MX2: variants seen among roughly 807,000 people sequenced by gnomAD.
MX2 encodes interferon-induced GTP-binding protein Mx2.
In MX2, 51 loss-of-function variants were observed where a neutral mutation model predicts 74.0. That is an observed-to-expected ratio of 0.69 (90% CI 0.55 to 0.87). MX2 has a LOEUF of 0.87. Among genes scored for constraint, MX2 ranks in the 40% least tolerant of loss-of-function variants. The pLI is 0.00. For missense variants in MX2, 832 were observed against 908.7 expected, an observed-to-expected ratio of 0.92 and a Z score of 1.09; for synonymous variants, 369 against 339.3, an observed-to-expected ratio of 1.09 and a Z score of -0.96.
intron 5 of MX2, among the ~76,000 whole-genome samples, chr21:41,384,489 A>G (rs1445024051): frequency 6.6e-6 from 1 of 152,132 alleles, no homozygotes; most frequent in Non-Finnish European, 1.5e-5. Context: ...CTTTTCATTT[A>G]TGTTTCAGAT....
rs1369921996 is a variant in MX2, at chr21:41,408,229, A to G, written c.2144A>G (p.His715Arg). The part of the protein sequence containing the change: ...ALCQFSSKEI[H>R] ...TGTCAATTCTCCAGCAAAGAGATCC[A>G]CTGAAGGGCGGCGATGCCTGTGGTT... is the stretch of plus-strand genomic sequence containing the variant. Residue 715 changes from histidine to arginine, a missense_variant, in exon 14 of 14, where the codon CAC (histidine) becomes CGC (arginine). His to Arg is a conservative substitution (Grantham distance 29). Coordinates refer to ENST00000330714, the MANE Select transcript of MX2 (RefSeq NM_002463.2). The G allele has an allele frequency of 1.2e-6, 2 of 1,613,676 alleles. No homozygotes were observed. Among genetic ancestry groups the G allele is most frequent in the African/African-American group, 2.7e-5 (2 of 74,922 alleles).
rs145125442 is a variant in MX2, at chr21:41,389,281, G to A, written c.733-1284G>A. ...TGTAATCCCAGCACTTTGGGAGGCCGAGGTGAGCAGATTACTTGCGGCCAG... is the reference window on the plus strand; with the variant it reads ...TGTAATCCCAGCACTTTGGGAGGCCAAGGTGAGCAGATTACTTGCGGCCAG... On this transcript the variant is annotated intron_variant, in intron 5 of 13. Coordinates refer to ENST00000330714, the MANE Select transcript of MX2 (RefSeq NM_002463.2). Among the ~76,000 whole-genome samples, 311 of 152,082 alleles carry A rather than the reference G, an allele frequency of 2.0e-3. 5 individuals are homozygous for A. Among genetic ancestry groups the A allele is most frequent in the Non-Finnish European group, 2.9e-3 (199 of 68,008 alleles).
chr21:41,401,337 C>T (rs2089811525), intron 10 of MX2: 2 of 152,418 alleles, frequency 1.3e-5, no homozygotes, highest in African/African-American at 4.8e-5. Flanking sequence ...AAAGATCCCT[C>T]CAACGGTAAA....
chr21:41,370,026 G>C (rs557440856), intron 1 of MX2, among the ~76,000 whole-genome samples: 3 of 152,292 alleles, frequency 2.0e-5, no homozygotes, highest in Admixed American at 1.3e-4. Context: ...TAGACTCGAC[G>C]AGGGTAGCAA....
In MX2 at chr21:41,380,103, G is replaced by T; in HGVS notation, c.529G>T (p.Glu177Ter). The T allele has an allele frequency of 6.2e-7, 1 of 1,613,992 alleles. No individual in the cohort carries two copies. Among genetic ancestry groups the T allele is most frequent in the Non-Finnish European group, 8.5e-7 (1 of 1,179,880 alleles). ...CGGAAGGATCAGCTACCGGAACACC[G>T]AGCTAGAGCTTCAGGACCCTGGCCA... ...WAGRISYRNT[E>*]LELQDPGQVE... is the part of the protein sequence containing the mutation. The change falls in exon 4 of 14, where the codon GAG becomes TAG. Residue 177 changes from glutamate (E) to a stop codon, truncating the protein, a stop_gained. Coordinates refer to ENST00000330714, the MANE Select transcript of MX2 (RefSeq NM_002463.2). LOFTEE classifies it high-confidence loss of function. This position sits in a 1 kb window ranked among gnomAD's most constrained non-coding sequence, Gnocchi z 4.3.
intron 1 of MX2, among the ~76,000 whole-genome samples, chr21:41,371,789 G>A (rs1399488840): frequency 6.6e-5 from 10 of 152,110 alleles, no homozygotes; most frequent in Non-Finnish European, 1.3e-4. Context: ...TGTGGCAAGC[G>A]GGGTGTCTGC....
chr21:41,407,894 A>G (rs990845283), intron 13 of MX2, 97 bp from the exon 14 acceptor site: 6 of 1,515,832 alleles, frequency 4.0e-6, no homozygotes, highest in Non-Finnish European at 5.4e-6. Context: ...TTCGCCAGGC[A>G]ACCATGTGCG....
chr21:41,408,042 A>G lies in MX2; in HGVS notation c.1957A>G (p.Met653Val). Residue 653 changes from methionine to valine, a missense_variant, in exon 14 of 14, where the codon ATG (methionine) becomes GTG (valine). Met to Val is a conservative substitution (Grantham distance 21). Coordinates refer to ENST00000330714, the MANE Select transcript of MX2 (RefSeq NM_002463.2). ...GATCCCATTTATAATTCAGTATTTT[A>G]TGCTCCGAGAGAATGGTGACTCCTT... ...NQIPFIIQYF[M>V]LRENGDSLQK... 3 of 1,614,190 alleles carry G rather than the reference A, an allele frequency of 1.9e-6. No homozygotes were observed. Among genetic ancestry groups the G allele is most frequent in the Non-Finnish European group, 2.5e-6 (3 of 1,180,042 alleles).
chr21:41,399,455 C>A, intron 10 of MX2, 118 bp downstream of exon 10: 1 of 1,122,702 alleles, frequency 8.9e-7, no homozygotes, highest in Non-Finnish European at 1.3e-6. Context: ...ACCGTGGAAC[C>A]CTTGGTAATC....
chr21:41,402,224 C>A lies in MX2; in HGVS notation c.1573+96C>A, dbSNP rs1275918699. On this transcript the variant is annotated intron_variant, in intron 11 of 13. Transcript: ENST00000330714. The surrounding 1 kb of genome is among the most constrained non-coding windows in gnomAD (Gnocchi z 4.5). ...GAGAGATTGGAATGGAGTTACCAAA[C>A]CAGCCTGCAGACACGCTCACTGGTG... The A allele has an allele frequency of 1.4e-6, 2 of 1,411,292 alleles. No individual in the cohort carries two copies. Among genetic ancestry groups the A allele is most frequent in the Non-Finnish European group, 1.9e-6 (2 of 1,042,860 alleles). 87.4% of individuals were successfully genotyped at this position (1,411,292 alleles called of 1,614,324 possible).
chr21:41,380,386 G>T lies in MX2; in HGVS notation c.577+235G>T, dbSNP rs2089473090. ...GACCCTCTGGTGGCTTCCCTTAGCA[G>T]CCTGCAGCCCACGTGGCTGGCCTTA... On this transcript the variant is annotated intron_variant, in intron 4 of 13. Coordinates refer to ENST00000330714, the MANE Select transcript of MX2 (RefSeq NM_002463.2). This position sits in a 1 kb window ranked among gnomAD's most constrained non-coding sequence, Gnocchi z 4.3. Among the ~76,000 whole-genome samples, 2 of 152,090 alleles carry T rather than the reference G, an allele frequency of 1.3e-5. No individual in the cohort carries two copies.
intron 6 of MX2, among the ~76,000 whole-genome samples, chr21:41,394,429 C>A (rs73905351): frequency 0.026 from 3,929 of 152,258 alleles, 165 homozygotes; most frequent in African/African-American, 0.088. Context: ...CTTCTGAGAG[C>A]GGACCTCCCT....
At chr21:41,379,878 C>T (rs2145890776) in intron 3 of MX2, 139 bp from the exon 4 acceptor site, 2 of 1,071,958 alleles carry the variant, frequency 1.9e-6, no homozygotes, top group East Asian at 2.4e-5. Flanking sequence ...CAGACCCCCT[C>T]ACCTACTACC....
In MX2 at chr21:41,390,704, G is replaced by T; in HGVS notation, c.871+1G>T. 1 of 1,613,870 alleles carries T rather than the reference G, an allele frequency of 6.2e-7. No homozygotes were observed. The highest frequency in any genetic ancestry group is 8.5e-7 in the Non-Finnish European group (1 of 1,179,896). Reference sequence around the variant, plus strand: ...GACCCGGAAGGGGACAGGACCATCGGTAAGAGGAAAGAACCAAGTGGCCGG... The same window carrying T: ...GACCCGGAAGGGGACAGGACCATCGTTAAGAGGAAAGAACCAAGTGGCCGG... On this transcript the variant is annotated splice_donor_variant, in intron 6 of 13. Transcript: ENST00000330714. LOFTEE classifies it high-confidence loss of function.
chr21:41,383,637 G>A (rs2089528200), intron 5 of MX2, among the ~76,000 whole-genome samples: 1 of 152,210 alleles, frequency 6.6e-6, no homozygotes, highest in South Asian at 2.1e-4. Context: ...CAGTGGCAGT[G>A]TTGACAACCC....
At chr21:41,404,313 T>G (rs1316473951) in intron 12 of MX2, 1 of 152,600 alleles carries the variant, frequency 6.6e-6, no homozygotes, top group Non-Finnish European at 1.5e-5. Context: ...CAACAGAGCC[T>G]GGGGGGCTCG....
intron 1 of MX2, among the ~76,000 whole-genome samples, chr21:41,375,391 G>C (rs536450512): frequency 6.6e-6 from 1 of 152,242 alleles, no homozygotes; most frequent in African/African-American, 2.4e-5. Flanking sequence ...CCACAGACTG[G>C]GTGGCTTAGA....
In MX2 at chr21:41,395,561, A is replaced by G. The variant is rs769837317; in HGVS notation, c.872-26A>G. The stretch of plus-strand genomic sequence containing the variant: ...GTTTGAGGGGATCACTGACCTTTCC[A>G]TTTCCCTTCTTTAACCATCTCACAG... On this transcript the variant is annotated intron_variant, in intron 6 of 13. Coordinates refer to ENST00000330714, the MANE Select transcript of MX2 (RefSeq NM_002463.2). 7.4e-6 allele frequency: 12 copies of G among 1,611,648 alleles called. No homozygotes were observed. In the African/African-American group the frequency reaches 1.2e-4, roughly 16 times the overall value.
chr21:41,377,014 C>T lies in MX2; in HGVS notation c.108C>T (p.Phe36=), dbSNP rs766937760. The change falls in exon 2 of 14, where the codon TTC becomes TTT. Residue 36 remains phenylalanine, a synonymous_variant. Coordinates refer to ENST00000330714, the MANE Select transcript of MX2 (RefSeq NM_002463.2). ...CCTTCCAGCAACAGCCACCGCCATT[C>T]GGCACAGTGCCACCACAAATGATGT... ...MNSFQQQPPP[F]GTVPPQMMFP... 28 of 1,614,214 alleles carry T rather than the reference C, an allele frequency of 1.7e-5. No individual in the cohort carries two copies. The South Asian group carries it at 2.2e-4, about 13-fold the overall frequency.
Sources: gnomAD v4.1 joint callset for allele counts (sites outside exome capture counted in the v4.1 genomes callset) on GRCh38, gnomAD v4.1.1 for gene constraint, Gnocchi (gnomAD v3.1) non-coding constraint, MANE v1.5 for transcripts, NCBI Gene and HGNC (gene_info 2026-07-23, HGNC 2026-07-21) for gene names.